Variants in CEP162 observed in about 807,000 individuals in gnomAD.
The protein encoded by CEP162 is centrosomal protein 162, also known as centrosomal protein of 162 kDa.
CEP162 carries 141 observed loss-of-function variants against 169.2 expected under a neutral mutation model. The observed-to-expected ratio is 0.83, with a 90% CI of 0.73 to 0.96. The LOEUF is 0.96. Among genes scored for constraint, CEP162 ranks in the 40% least tolerant of loss-of-function variants. The pLI is 0.00. For synonymous variants in CEP162, 540 were observed against 526.4 expected (o/e 1.03, Z -0.35); for missense variants, 1,600 against 1,587.2 (o/e 1.01, Z -0.14).
At chr6:84,179,547 T>C (rs1447281816) in intron 13 of CEP162, among the ~76,000 whole-genome samples, 1 of 152,198 alleles carries the variant, frequency 6.6e-6, no homozygotes, top group Non-Finnish European at 1.5e-5. Context: ...TTGAGTTCTT[T>C]GTAGATTCTG....
At chr6:84,223,548 A>T (rs1020117821) in intron 2 of CEP162, among the ~76,000 whole-genome samples, 3 of 151,416 alleles carry the variant, frequency 2.0e-5, no homozygotes. Flanking sequence ...AATAAAATAA[A>T]TAGAAATAAA....
intron 25 of CEP162, among the ~76,000 whole-genome samples, chr6:84,132,337 T>G (rs1453213791): frequency 1.3e-5 from 2 of 152,174 alleles, no homozygotes; most frequent in Non-Finnish European, 2.9e-5. Context: ...TTGCTCTTCT[T>G]GAGGAGTATC....
rs931910729 is a variant in CEP162 at position 84,174,721 on chromosome 6, T to C, written c.2025+6A>G. 16 of 1,278,768 alleles carry C rather than the reference T, an allele frequency of 1.3e-5. No individual in the cohort carries two copies. In the African/African-American group the frequency reaches 1.9e-4, roughly 15 times the overall value. 79.2% of individuals were successfully genotyped at this position (1,278,768 alleles called of 1,614,324 possible). On this transcript the variant is annotated splice_donor_region_variant and intron_variant, in intron 15 of 26. Coordinates refer to ENST00000403245, the MANE Select transcript of CEP162 (RefSeq NM_014895.4). ...TAAAAAAATACCAGAACAATGTATC[T>C]AGTACCTTGGCTTGAAGAATATAAT...
chr6:84,149,737 AG>A (rs1194603563), intron 23 of CEP162, 34 bp from the exon 24 acceptor site: 49 of 1,442,918 alleles, frequency 3.4e-5, no homozygotes, highest in Non-Finnish European at 4.3e-5. Flanking sequence ...CACACATAAA[AG>A]TGGCTCTTCA....
chr6:84,132,995 C>T (rs1315386526), intron 25 of CEP162, among the ~76,000 whole-genome samples: 1 of 152,104 alleles, frequency 6.6e-6, no homozygotes, highest in East Asian at 1.9e-4. Flanking sequence ...GTGGTTTTAT[C>T]TACCTTTGGT....
At chr6:84,141,524 TC>T (rs772992234) in intron 25 of CEP162, among the ~76,000 whole-genome samples, 9 of 152,132 alleles carry the variant, frequency 5.9e-5, no homozygotes, top group Non-Finnish European at 1.2e-4. Context: ...TAAACATCTT[TC>T]CTCAAAATCC....
chr6:84,213,028 GA>G lies in CEP162; in HGVS notation c.504-5del. The stretch of plus-strand genomic sequence containing the variant: ...TAGTTCTGCGTTGGCTTGATTACTG[GA>G]AAAAATATTTATTTAATTTAGCATT... On this transcript the variant is annotated splice_polypyrimidine_tract_variant and splice_region_variant and intron_variant, in intron 5 of 26. Coordinates refer to ENST00000403245, the MANE Select transcript of CEP162 (RefSeq NM_014895.4). The G allele has an allele frequency of 1.3e-6, 2 of 1,512,676 alleles. No individual in the cohort carries two copies. Among genetic ancestry groups the G allele is most frequent in the East Asian group, 2.4e-5 (1 of 40,954 alleles). The allele number at this position is 1,512,676 out of a possible 1,614,324, so 93.7% of individuals were successfully genotyped here.
intron 18 of CEP162, 99 bp from the exon 19 acceptor site, chr6:84,163,369 A>G: frequency 1.2e-6 from 1 of 863,716 alleles, no homozygotes; most frequent in South Asian, 1.8e-5. Context: ...ACGGCAAAAT[A>G]TTTTCTCTAA....
At chr6:84,199,973 G>A (rs1035293723) in intron 9 of CEP162, among the ~76,000 whole-genome samples, 32 of 152,240 alleles carry the variant, frequency 2.1e-4, no homozygotes, top group African/African-American at 6.7e-4. Context: ...CAACTGGGCC[G>A]GGTGTGGTGG....
intron 6 of CEP162, among the ~76,000 whole-genome samples, chr6:84,207,249 C>T (rs1366336747): frequency 6.6e-6 from 1 of 152,136 alleles, no homozygotes; most frequent in Non-Finnish European, 1.5e-5. Context: ...AATTATGCTA[C>T]TATAAAGACA....
At position 84,152,700 on chromosome 6, in the gene CEP162, C is replaced by G. The variant is rs1485023061; in HGVS notation, c.3474G>C (p.Leu1158=). ...NSFPGTLDSK[L]YQPHTFTDSH... ...AATCAGTGAAAGTATGTGGTTGGTACAGCTTGCTGTCCAGGGTTCCAGGGA... is the reference window on the plus strand; with the variant it reads ...AATCAGTGAAAGTATGTGGTTGGTAGAGCTTGCTGTCCAGGGTTCCAGGGA... The change falls in exon 23 of 27, where the codon CTG becomes CTC. Residue 1158 remains leucine, a synonymous_variant. Coordinates refer to ENST00000403245, the MANE Select transcript of CEP162 (RefSeq NM_014895.4). 6.2e-7 allele frequency: 1 copy of G among 1,612,946 alleles called. No individual in the cohort carries two copies.
chr6:84,216,815 A>C (rs907618823), intron 3 of CEP162, among the ~76,000 whole-genome samples: 2 of 152,204 alleles, frequency 1.3e-5, no homozygotes, highest in African/African-American at 4.8e-5. Context: ...ATATTGATGA[A>C]AAATGATTGA....
intron 23 of CEP162, among the ~76,000 whole-genome samples, chr6:84,151,756 C>A (rs1412539276): frequency 6.6e-6 from 1 of 151,854 alleles, no homozygotes; most frequent in Admixed American, 6.6e-5. Context: ...AGCAGCCAAG[C>A]CACAGAGGTT....
Position 84,185,383 on chromosome 6 carries a change from C to T in CEP162, c.1467G>A (p.Lys489=). 1 of 1,613,586 alleles carries T rather than the reference C, an allele frequency of 6.2e-7. No homozygotes were observed. Among genetic ancestry groups the T allele is most frequent in the Non-Finnish European group, 8.5e-7 (1 of 1,179,592 alleles). Residue 489 remains lysine, a synonymous_variant, in exon 13 of 27, where the codon AAG becomes AAA. Transcript: ENST00000403245. The part of the protein sequence containing the change: ...GAVMGKQVPY[K]KARSAPPLLK... ...GTAAAGGAGGTGCACTTCTGGCCTT[C>T]TTGTATGGTACCTGTTTACCCATTA...
At chr6:84,180,128 T>C (rs2099534133) in intron 13 of CEP162, among the ~76,000 whole-genome samples, 1 of 152,008 alleles carries the variant, frequency 6.6e-6, no homozygotes, top group African/African-American at 2.4e-5. Context: ...CAGCAGCACA[T>C]CAAAAAGCTT....
chr6:84,173,945 A>G (rs1212257376), intron 16 of CEP162, 103 bp downstream of exon 16: 5 of 914,644 alleles, frequency 5.5e-6, no homozygotes, highest in Non-Finnish European at 8.2e-6. Flanking sequence ...TCATCCTCCC[A>G]AAGTGCTGGG....
At chr6:84,177,695 C>G (rs1213929505) in intron 13 of CEP162, among the ~76,000 whole-genome samples, 2 of 152,144 alleles carry the variant, frequency 1.3e-5, no homozygotes, top group African/African-American at 4.8e-5. Context: ...GCCACCATGT[C>G]CAGCAAATTT....
chr6:84,159,901 T>C lies in CEP162; in HGVS notation c.2781+911A>G, dbSNP rs1216481679. ...CTGGCCAAATATTTCTAGTTCTTCA[T>C]ACCACATTTGGCTGATCCTTTCTTG... On this transcript the variant is annotated intron_variant, in intron 21 of 26. Coordinates refer to ENST00000403245, the MANE Select transcript of CEP162 (RefSeq NM_014895.4). Among the ~76,000 whole-genome samples, 5 of 152,130 alleles carry C rather than the reference T, an allele frequency of 3.3e-5. No homozygotes were observed. In the South Asian group the frequency reaches 6.2e-4, roughly 19 times the overall value.
intron 25 of CEP162, among the ~76,000 whole-genome samples, chr6:84,136,442 C>G (rs2099514125): frequency 6.6e-6 from 1 of 152,154 alleles, no homozygotes; most frequent in Non-Finnish European, 1.5e-5. Context: ...ATCATGAGCC[C>G]ACTCCTGTGA....
Sources: allele counts gnomAD v4.1 joint callset (sites outside exome capture counted in the v4.1 genomes callset), GRCh38; gene constraint gnomAD v4.1.1; transcripts MANE v1.5; gene names NCBI Gene and HGNC (gene_info 2026-07-23, HGNC 2026-07-21).